The following STRN variants were observed in gnomAD, a reference collection of about 807,000 sequenced individuals.
STRN encodes striatin.
STRN carries 53 observed loss-of-function variants against 96.3 expected under a neutral mutation model. The ratio of observed to expected loss-of-function variants is 0.55; its 90% CI spans 0.44 to 0.69. STRN has a LOEUF of 0.69. STRN is among the 30% of genes least tolerant of loss of function. STRN has a pLI of 0.00. For synonymous variants in STRN, 428 were observed against 355.9 expected, an observed-to-expected ratio of 1.20 and a Z score of -2.28; for missense variants, 987 against 963.9, an observed-to-expected ratio of 1.02 and a Z score of -0.32.
At chr2:36,942,923 T>C (rs921774649) in intron 1 of STRN, among the ~76,000 whole-genome samples, 1 of 152,164 alleles carries the variant, frequency 6.6e-6, no homozygotes, top group Non-Finnish European at 1.5e-5. Context: ...GTCGAACTCC[T>C]GACCTCAAGG....
intron 12 of STRN, among the ~76,000 whole-genome samples, chr2:36,866,960 G>T (rs1668644572): frequency 6.6e-6 from 1 of 152,070 alleles, no homozygotes; most frequent in African/African-American, 2.4e-5. Flanking sequence ...ATACAGTTGG[G>T]TCTTGCTTCT....
intron 1 of STRN, among the ~76,000 whole-genome samples, chr2:36,935,968 T>C (rs1461530425): frequency 3.3e-5 from 5 of 151,898 alleles, no homozygotes; most frequent in African/African-American, 9.7e-5. Flanking sequence ...ACAAAATAAA[T>C]AAAAAACGTT....
intron 10 of STRN, 114 bp downstream of exon 10, chr2:36,877,777 C>A: frequency 8.6e-7 from 1 of 1,167,432 alleles, no homozygotes; most frequent in Non-Finnish European, 1.2e-6. Context: ...CTCAAGTGAT[C>A]CGCCCACCTC....
intron 3 of STRN, 81 bp from the exon 4 acceptor site, chr2:36,905,699 A>G: frequency 8.4e-7 from 1 of 1,190,172 alleles, no homozygotes; most frequent in South Asian, 1.2e-5. Flanking sequence ...CGTCCAATAA[A>G]CATTTATAAG....
At chr2:36,924,337 C>CA (rs1219934052) in intron 2 of STRN, among the ~76,000 whole-genome samples, 3 of 119,206 alleles carry the variant, frequency 2.5e-5, no homozygotes, top group Non-Finnish European at 4.8e-5. Flanking sequence ...GCATGGGCGA[C>CA]AGAGTGAGAC....
rs1356168792 is a variant in STRN at position 36,848,519 on chromosome 2, A to T, written c.*937T>A. The T allele has an allele frequency of 6.6e-6, 1 of 152,202 alleles. No homozygotes were observed. The highest frequency in any genetic ancestry group is 1.5e-5 in the Non-Finnish European group (1 of 68,040). The allele number at this position is 152,202 out of a possible 1,614,324, so 9.4% of individuals were successfully genotyped here. A position where few individuals can be genotyped will look rare whatever the true frequency, so the allele number is the denominator to read the frequency against. ...TGGGTGTTGATAAATGATTATTAGC[A>T]AATAAATTCTATCTTTTCAGTCACT... On this transcript the variant is annotated 3_prime_UTR_variant, in exon 18 of 18. Coordinates refer to ENST00000263918, the MANE Select transcript of STRN (RefSeq NM_003162.4).
intron 1 of STRN, among the ~76,000 whole-genome samples, chr2:36,963,633 T>A (rs1296288181): frequency 6.6e-6 from 1 of 152,130 alleles, no homozygotes; most frequent in African/African-American, 2.4e-5. Context: ...AAACTTTAAT[T>A]GGAACACAAA....
rs1667877186 is a variant in STRN, at chr2:36,838,730, C to T, written c.*10726G>A. Among the ~76,000 whole-genome samples the T allele has an allele frequency of 6.6e-6, 1 of 152,014 alleles. No individual in the cohort carries two copies. Among genetic ancestry groups the T allele is most frequent in the Non-Finnish European group, 1.5e-5 (1 of 68,002 alleles). ...CAATCCTACTCCAGGGAATCTATTC[C>T]GCAGACGTAAAACCATCATGGTGAC... On this transcript the variant is annotated 3_prime_UTR_variant, in exon 18 of 18. Transcript: ENST00000263918.
At chr2:36,864,247 G>A (rs988971881) in intron 12 of STRN, among the ~76,000 whole-genome samples, 11 of 152,166 alleles carry the variant, frequency 7.2e-5, no homozygotes, top group African/African-American at 2.2e-4. Flanking sequence ...CAAGAGAAAT[G>A]CTTCCAGATT....
chr2:36,879,120 G>A (rs927304426), intron 9 of STRN, among the ~76,000 whole-genome samples: 6 of 151,848 alleles, frequency 4.0e-5, no homozygotes, highest in Middle Eastern at 3.4e-3. Context: ...GCCCAGGCTG[G>A]AGTGCACTGG....
At position 36,855,147 on chromosome 2, in the gene STRN, T is replaced by C. The variant is rs923141555; in HGVS notation, c.1978+65A>G. 4 of 1,532,544 alleles carry C rather than the reference T, an allele frequency of 2.6e-6. No individual in the cohort carries two copies. In the Admixed American group the frequency reaches 7.0e-5, roughly 27 times the overall value. The allele number at this position is 1,532,544 out of a possible 1,614,324, so 94.9% of individuals were successfully genotyped here. A position where few individuals can be genotyped will look rare whatever the true frequency, so the allele number is the denominator to read the frequency against. Reference sequence around the variant, plus strand: ...GACAAATATTTTTCACAGCTGACTCTAGTAGTCGTAATTTTGATTAAGTTA... The same window carrying C: ...GACAAATATTTTTCACAGCTGACTCCAGTAGTCGTAATTTTGATTAAGTTA... On this transcript the variant is annotated intron_variant, in intron 15 of 17. Coordinates refer to ENST00000263918, the MANE Select transcript of STRN (RefSeq NM_003162.4).
intron 1 of STRN, among the ~76,000 whole-genome samples, chr2:36,933,094 GCAGTTAGCC>G: frequency 7.0e-6 from 1 of 143,220 alleles, no homozygotes; most frequent in South Asian, 2.3e-4. Context: ...ACATATATAT[GCAGTTAGCC>G]CTTCATATCC....
chr2:36,913,712 T>G (rs921230959), intron 3 of STRN, among the ~76,000 whole-genome samples: 1 of 152,178 alleles, frequency 6.6e-6, no homozygotes, highest in Admixed American at 6.5e-5. Flanking sequence ...ATTTATAAGA[T>G]GAATGGATGG....
chr2:36,938,934 C>T (rs1331034088), intron 1 of STRN, among the ~76,000 whole-genome samples: 1 of 151,530 alleles, frequency 6.6e-6, no homozygotes, highest in Non-Finnish European at 1.5e-5. Flanking sequence ...AAAAGAAAAC[C>T]AATAGCACAA....
chr2:36,904,834 A>ATGAT lies in STRN; in HGVS notation c.491+705_491+706insATCA, dbSNP rs1669777993. ...CAGAGTGAGACTCCATCTCAAATGAATGACTGAATGAATGAATGAATGAAT... is the reference window on the plus strand; with the variant it reads ...CAGAGTGAGACTCCATCTCAAATGAATGATTGACTGAATGAATGAATGAATGAAT... On this transcript the variant is annotated intron_variant, in intron 4 of 17. Transcript: ENST00000263918. 4.0e-5 allele frequency among the ~76,000 whole-genome samples: 6 copies of ATGAT among 148,880 alleles called. No individual in the cohort carries two copies. The South Asian group carries it at 1.3e-3, about 32-fold the overall frequency.
intron 9 of STRN, among the ~76,000 whole-genome samples, chr2:36,883,238 TGAG>T (rs537413924): frequency 8.6e-4 from 131 of 152,312 alleles, no homozygotes; most frequent in African/African-American, 3.1e-3. Context: ...GCAGATCACT[TGAG>T]GTCAGGAATT....
At chr2:36,924,478 T>C (rs1389978173) in intron 2 of STRN, among the ~76,000 whole-genome samples, 2 of 151,484 alleles carry the variant, frequency 1.3e-5, no homozygotes, top group Non-Finnish European at 2.9e-5. Context: ...ACTATAGAAA[T>C]TTCCTTTAAA....
intron 1 of STRN, among the ~76,000 whole-genome samples, chr2:36,927,792 T>C (rs1222210849): frequency 6.6e-6 from 1 of 152,204 alleles, no homozygotes. Flanking sequence ...TATAAACCAG[T>C]TTCACTTTAT....
At chr2:36,859,404 TA>T (rs1269441743) in intron 13 of STRN, among the ~76,000 whole-genome samples, 2 of 152,088 alleles carry the variant, frequency 1.3e-5, no homozygotes, top group African/African-American at 4.8e-5. Flanking sequence ...AGGTAATTAG[TA>T]AGTGGGGACA....
Sources: gnomAD v4.1 joint callset for allele counts (sites outside exome capture counted in the v4.1 genomes callset) on GRCh38, gnomAD v4.1.1 for gene constraint, MANE v1.5 for transcripts, NCBI Gene and HGNC (gene_info 2026-07-23, HGNC 2026-07-21) for gene names.